Variants in PRICKLE1 observed in about 807,000 individuals in gnomAD.
The protein encoded by PRICKLE1 is prickle planar cell polarity protein 1.
A neutral mutation model predicts 70.2 loss-of-function variants in PRICKLE1; 14 were observed. The observed-to-expected ratio is 0.20, with a 90% CI of 0.13 to 0.31. The LOEUF (loss-of-function observed/expected upper bound fraction) is 0.31. PRICKLE1 is among the 10% of genes least tolerant of loss of function. PRICKLE1 has a pLI of 1.00. For missense variants in PRICKLE1, 821 were observed against 1,026.2 expected, an observed-to-expected ratio of 0.80 and a Z score of 2.73; for synonymous variants, 357 against 379.9, an observed-to-expected ratio of 0.94 and a Z score of 0.70.
At chr12:42,482,141 A>T (rs1362405893) in intron 1 of PRICKLE1, among the ~76,000 whole-genome samples, 1 of 152,260 alleles carries the variant, frequency 6.6e-6, no homozygotes, top group Non-Finnish European at 1.5e-5. Flanking sequence ...TGAGTGGGCT[A>T]TCACACATCA....
rs556579479 is a variant in PRICKLE1 at position 42,555,201 on chromosome 12, G to C, written c.-49+34264C>G. On this transcript the variant is annotated intron_variant, in intron 1 of 7. Coordinates refer to ENST00000345127, the MANE Select transcript of PRICKLE1 (RefSeq NM_153026.3). ...CGCCTGTAATCCCAGTTACTTGGGA[G>C]GCTGAGACAGGAGAATCACTTGATC... is the stretch of plus-strand genomic sequence containing the variant. Among the ~76,000 whole-genome samples, 7 of 152,280 alleles carry C rather than the reference G, an allele frequency of 4.6e-5. No homozygotes were observed. The East Asian group carries it at 1.4e-3, about 29-fold the overall frequency.
At chr12:42,543,208 C>T (rs1234120136) in intron 1 of PRICKLE1, among the ~76,000 whole-genome samples, 1 of 152,148 alleles carries the variant, frequency 6.6e-6, no homozygotes, top group East Asian at 1.9e-4. Flanking sequence ...AATGAAGACA[C>T]CCCTTTATTT....
At chr12:42,527,055 A>C (rs1268480842) in intron 1 of PRICKLE1, among the ~76,000 whole-genome samples, 1 of 151,190 alleles carries the variant, frequency 6.6e-6, no homozygotes, top group African/African-American at 2.4e-5. Context: ...TTGATAAAGG[A>C]GAAGTGAAGA....
chr12:42,463,684 C>T (rs1937956371), intron 7 of PRICKLE1: 1 of 152,456 alleles, frequency 6.6e-6, no homozygotes, highest in Non-Finnish European at 1.5e-5. Context: ...TGCGCCATTG[C>T]ACTCCATCCT....
chr12:42,554,515 G>A (rs890998726), intron 1 of PRICKLE1, among the ~76,000 whole-genome samples: 13 of 152,290 alleles, frequency 8.5e-5, no homozygotes, highest in African/African-American at 3.1e-4. Context: ...AGACACTGAT[G>A]TCTTCCAAAG....
At chr12:42,552,356 C>T (rs952089808) in intron 1 of PRICKLE1, among the ~76,000 whole-genome samples, 7 of 152,162 alleles carry the variant, frequency 4.6e-5, no homozygotes, top group African/African-American at 1.7e-4. Flanking sequence ...GTGTGAGCTC[C>T]CGTGCCAGGC....
chr12:42,509,903 T>C (rs542237889), intron 1 of PRICKLE1, among the ~76,000 whole-genome samples: 3 of 151,688 alleles, frequency 2.0e-5, no homozygotes, highest in Admixed American at 2.0e-4. Context: ...TGAAACCCTG[T>C]CTCTACTAAG....
At chr12:42,473,672 C>G (rs1004110760) in intron 1 of PRICKLE1, among the ~76,000 whole-genome samples, 3 of 152,052 alleles carry the variant, frequency 2.0e-5, no homozygotes, top group Admixed American at 6.5e-5. Flanking sequence ...ATTATCCCGA[C>G]CCAATGATTT....
chr12:42,511,088 C>T (rs913116548), intron 1 of PRICKLE1, among the ~76,000 whole-genome samples: 1 of 152,228 alleles, frequency 6.6e-6, no homozygotes, highest in Non-Finnish European at 1.5e-5. Context: ...TGTTTACACA[C>T]AGGTTCCAAC....
At chr12:42,568,330 A>G (rs1940655490) in intron 1 of PRICKLE1, among the ~76,000 whole-genome samples, 1 of 152,142 alleles carries the variant, frequency 6.6e-6, no homozygotes. Context: ...GCATGCCACC[A>G]CACCTGGCTA....
At position 42,464,888 on chromosome 12, in the gene PRICKLE1, T is replaced by G. The variant is rs778330311; in HGVS notation, c.1146A>C (p.Arg382Ser). The G allele has an allele frequency of 3.1e-6, 5 of 1,614,040 alleles. No homozygotes were observed. ...SRKLDDLSLS[R>S]QGTSFASEEF... ...CTTCACTGGCAAAACTTGTTCCTTG[T>G]CTGGAGAGACTCAGATCATCCAATT... is the stretch of plus-strand genomic sequence containing the variant. The change falls in exon 7 of 8, where the codon AGA becomes AGC. Residue 382 changes from arginine to serine, a missense_variant. Transcript: ENST00000345127. This position sits in a 1 kb window ranked among gnomAD's most constrained non-coding sequence, Gnocchi z 4.2.
chr12:42,513,252 G>A (rs1017241560), intron 1 of PRICKLE1, among the ~76,000 whole-genome samples: 9 of 152,104 alleles, frequency 5.9e-5, no homozygotes, highest in Admixed American at 1.3e-4. Flanking sequence ...GTGAGCCACC[G>A]CAGCCCAGGC....
chr12:42,464,764 C>G lies in PRICKLE1; in HGVS notation c.1270G>C (p.Asp424His). ...YMTQLLLKFG[D>H]KSLFQPQPNE... ...GGCTGTGGCTGAAAGAGGCTTTTAT[C>G]ACCAAACTTGAGGAGGAGCTGCGTC... Residue 424 changes from aspartate to histidine, a missense_variant, in exon 7 of 8, where the codon GAT becomes CAT. Coordinates refer to ENST00000345127, the MANE Select transcript of PRICKLE1 (RefSeq NM_153026.3). This position sits in a 1 kb window ranked among gnomAD's most constrained non-coding sequence, Gnocchi z 4.2. 1 of 1,614,090 alleles carries G rather than the reference C, an allele frequency of 6.2e-7. No homozygotes were observed. Among genetic ancestry groups the G allele is most frequent in the Non-Finnish European group, 8.5e-7 (1 of 1,180,028 alleles).
At chr12:42,536,407 C>T (rs1464353591) in intron 1 of PRICKLE1, among the ~76,000 whole-genome samples, 1 of 152,144 alleles carries the variant, frequency 6.6e-6, no homozygotes, top group East Asian at 1.9e-4. Context: ...CTAGATCCTC[C>T]AGCTGATTTC....
At chr12:42,469,357 C>A in intron 4 of PRICKLE1, 93 bp downstream of exon 4, 6 of 1,481,936 alleles carry the variant, frequency 4.0e-6, no homozygotes, top group Non-Finnish European at 5.6e-6. Context: ...GCTTTCAGGA[C>A]CCACACCTCT....
chr12:42,582,674 A>C (rs1210005434), intron 1 of PRICKLE1, among the ~76,000 whole-genome samples: 1 of 152,242 alleles, frequency 6.6e-6, no homozygotes, highest in Non-Finnish European at 1.5e-5. Flanking sequence ...TTTCAAAGCA[A>C]AACAACATAC....
At position 42,549,093 on chromosome 12, in the gene PRICKLE1, T is replaced by C. The variant is rs188053535; in HGVS notation, c.-49+40372A>G. On this transcript the variant is annotated intron_variant, in intron 1 of 7. Transcript: ENST00000345127. ...GAGATCGGGCCACTGCACTCCAGCT[T>C]GGGCAACAGAGTGAGACCCTGTCTC... Among the ~76,000 whole-genome samples the C allele has an allele frequency of 1.3e-3, 156 of 123,102 alleles. 2 individuals carry two copies. The highest frequency in any genetic ancestry group is 4.8e-3 in the African/African-American group (149 of 31,000). The allele number at this position is 123,102 out of a possible 152,430, so 80.8% of individuals were successfully genotyped here.
intron 1 of PRICKLE1, among the ~76,000 whole-genome samples, chr12:42,564,638 T>G (rs894449339): frequency 3.3e-5 from 5 of 152,158 alleles, no homozygotes; most frequent in African/African-American, 7.2e-5. Flanking sequence ...AAATCTTTCT[T>G]GAGGTCATAT....
intron 1 of PRICKLE1, among the ~76,000 whole-genome samples, chr12:42,558,176 A>G (rs1328864410): frequency 2.0e-5 from 3 of 152,252 alleles, no homozygotes; most frequent in Non-Finnish European, 4.4e-5. Context: ...GCTATTTTAC[A>G]TAAATAAAAT....
Sources: gnomAD v4.1 joint callset for allele counts (sites outside exome capture counted in the v4.1 genomes callset) on GRCh38, gnomAD v4.1.1 for gene constraint, Gnocchi (gnomAD v3.1) non-coding constraint, MANE v1.5 for transcripts, NCBI Gene and HGNC (gene_info 2026-07-23, HGNC 2026-07-21) for gene names.